Variants in SSBP2 observed in about 807,000 individuals in gnomAD.
The protein encoded by SSBP2 is single stranded DNA binding protein 2.
A neutral mutation model predicts 61.8 loss-of-function variants in SSBP2; 17 were observed. The observed-to-expected ratio is 0.28, with a 90% CI of 0.19 to 0.41. The LOEUF is 0.41. Among genes scored for constraint, SSBP2 ranks in the 10% least tolerant of loss-of-function variants. SSBP2 has a pLI of 1.00. For missense variants in SSBP2, 310 were observed against 458.7 expected, an observed-to-expected ratio of 0.68 and a Z score of 2.96; for synonymous variants, 139 against 141.3, an observed-to-expected ratio of 0.98 and a Z score of 0.12.
intron 4 of SSBP2, among the ~76,000 whole-genome samples, chr5:81,553,527 A>G (rs1229851695): frequency 6.6e-6 from 1 of 151,630 alleles, no homozygotes; most frequent in East Asian, 1.9e-4. Flanking sequence ...AGAAATGGCT[A>G]GCTATTTTCC....
At chr5:81,445,149 T>TATATATAG (rs1763309839) in intron 12 of SSBP2, among the ~76,000 whole-genome samples, 1 of 72,138 alleles carries the variant, frequency 1.4e-5, no homozygotes, top group African/African-American at 6.2e-5. Context: ...TATATATATA[T>TATATATAG]ATATATATAT....
chr5:81,454,021 G>A (rs1763960583), intron 10 of SSBP2, among the ~76,000 whole-genome samples: 1 of 152,160 alleles, frequency 6.6e-6, no homozygotes, highest in African/African-American at 2.4e-5. Flanking sequence ...ACTGAAATGG[G>A]TTGAGAAGTA....
At chr5:81,580,165 T>A (rs1486173868) in intron 4 of SSBP2, among the ~76,000 whole-genome samples, 4 of 152,196 alleles carry the variant, frequency 2.6e-5, no homozygotes. Context: ...AGAATAAAAA[T>A]TCCTGTATTT....
At chr5:81,696,030 G>A (rs1178127506) in intron 1 of SSBP2, among the ~76,000 whole-genome samples, 1 of 152,150 alleles carries the variant, frequency 6.6e-6, no homozygotes, top group Non-Finnish European at 1.5e-5. Context: ...AGGAAACAGA[G>A]TACAGGCAGA....
At position 81,716,111 on chromosome 5, in the gene SSBP2, G is replaced by A. The variant is rs549456462; in HGVS notation, c.62+34870C>T. Among the ~76,000 whole-genome samples, 154 of 151,534 alleles carry A rather than the reference G, an allele frequency of 1.0e-3. 1 individual carries two copies. Among genetic ancestry groups the A allele is most frequent in the Admixed American group, 1.7e-3 (26 of 15,186 alleles). On this transcript the variant is annotated intron_variant, in intron 1 of 16. Coordinates refer to ENST00000320672, the MANE Select transcript of SSBP2 (RefSeq NM_012446.5). ...AAAACAGGACAGGTAAGAGGACAGA[G>A]TTCTTATCTTCCACTGTGGGAAGTC... is the stretch of plus-strand genomic sequence containing the variant.
At chr5:81,494,017 T>C (rs1345287353) in intron 5 of SSBP2, among the ~76,000 whole-genome samples, 1 of 152,218 alleles carries the variant, frequency 6.6e-6, no homozygotes, top group Non-Finnish European at 1.5e-5. Flanking sequence ...CACAGTCTTG[T>C]AATTAATAGG....
rs773620103 is a variant in SSBP2 at position 81,442,599 on chromosome 5, C to CA, written c.849+53dup. 4.1e-5 allele frequency: 39 copies of CA among 957,580 alleles called. No homozygotes were observed. In the East Asian group the frequency reaches 6.4e-4, roughly 16 times the overall value. 59.3% of individuals were successfully genotyped at this position (957,580 alleles called of 1,614,324 possible). A position where few individuals can be genotyped will look rare whatever the true frequency, so the allele number is the denominator to read the frequency against. ...CAATATACAGGACATGGAATGCACT[C>CA]AGAGTTTGAAAGTCTTCAAATACAT... is the stretch of plus-strand genomic sequence containing the variant. On this transcript the variant is annotated intron_variant, in intron 13 of 16. Transcript: ENST00000320672.
At chr5:81,745,196 A>C (rs919037738) in intron 1 of SSBP2, among the ~76,000 whole-genome samples, 6 of 151,064 alleles carry the variant, frequency 4.0e-5, no homozygotes, top group Admixed American at 2.6e-4. Flanking sequence ...AGGTTGCAGA[A>C]GAAGAGCCTC....
intron 12 of SSBP2, among the ~76,000 whole-genome samples, chr5:81,445,141 T>TATATATATATAC (rs1763305862): frequency 2.4e-5 from 1 of 41,742 alleles, no homozygotes; most frequent in Non-Finnish European, 4.5e-5. Context: ...AAAAATTTTA[T>TATATATATATAC]ATATATATAT....
At chr5:81,443,196 A>T (rs1580696849) in intron 12 of SSBP2, 1 of 152,298 alleles carries the variant, frequency 6.6e-6, no homozygotes, top group East Asian at 1.9e-4. Context: ...ATTCCGAAAG[A>T]AAAAGATTAG....
intron 6 of SSBP2, among the ~76,000 whole-genome samples, chr5:81,478,336 TTTTA>T (rs1233049889): frequency 1.3e-5 from 2 of 151,696 alleles, no homozygotes; most frequent in African/African-American, 4.8e-5. Flanking sequence ...AATTTTTTAT[TTTTA>T]TTTATTTATT....
At chr5:81,445,145 T>G (rs1165092178) in intron 12 of SSBP2, among the ~76,000 whole-genome samples, 1 of 55,458 alleles carries the variant, frequency 1.8e-5, no homozygotes, top group African/African-American at 9.0e-5. Context: ...ATTTTATATA[T>G]ATATATATAT....
intron 4 of SSBP2, among the ~76,000 whole-genome samples, chr5:81,539,870 T>C (rs1457915069): frequency 1.3e-5 from 2 of 152,140 alleles, no homozygotes; most frequent in African/African-American, 4.8e-5. Flanking sequence ...CATTAGGTAT[T>C]TCTCCTAATG....
chr5:81,613,579 T>C (rs1268347037), intron 4 of SSBP2, among the ~76,000 whole-genome samples: 4 of 152,246 alleles, frequency 2.6e-5, no homozygotes, highest in African/African-American at 9.6e-5. Flanking sequence ...TACATCTTTC[T>C]ACAGAATGCA....
chr5:81,741,633 T>C (rs958661595), intron 1 of SSBP2, among the ~76,000 whole-genome samples: 10 of 152,040 alleles, frequency 6.6e-5, no homozygotes, highest in Admixed American at 5.2e-4. Flanking sequence ...CACTCCAAAT[T>C]GAAGCTAAAT....
chr5:81,713,718 A>G (rs1189913281), intron 1 of SSBP2, among the ~76,000 whole-genome samples: 1 of 152,174 alleles, frequency 6.6e-6, no homozygotes, highest in East Asian at 1.9e-4. Flanking sequence ...AACAACCACT[A>G]CCACACATTT....
chr5:81,573,143 T>C (rs1773952463), intron 4 of SSBP2, among the ~76,000 whole-genome samples: 1 of 152,214 alleles, frequency 6.6e-6, no homozygotes, highest in African/African-American at 2.4e-5. Flanking sequence ...TGGGGTTTTG[T>C]TGGTTTAGAC....
intron 7 of SSBP2, 140 bp from the exon 8 acceptor site, chr5:81,473,910 C>A (rs1020928634): frequency 7.0e-6 from 5 of 713,476 alleles, no homozygotes; most frequent in African/African-American, 5.3e-5. Flanking sequence ...GGCTTCCAGA[C>A]CACTTTTCCA....
chr5:81,427,210 G>C (rs1762008313), intron 16 of SSBP2, among the ~76,000 whole-genome samples: 1 of 152,118 alleles, frequency 6.6e-6, no homozygotes, highest in Non-Finnish European at 1.5e-5. Flanking sequence ...CCATAGTTTT[G>C]AAGCAAACCA....
Sources: allele counts gnomAD v4.1 joint callset (sites outside exome capture counted in the v4.1 genomes callset), GRCh38; gene constraint gnomAD v4.1.1; transcripts MANE v1.5; gene names NCBI Gene and HGNC (gene_info 2026-07-23, HGNC 2026-07-21).